The following KCNQ3 variants were observed in gnomAD, a reference collection of about 807,000 sequenced individuals.
The protein encoded by KCNQ3 is potassium voltage-gated channel subfamily Q member 3.
A neutral mutation model predicts 92.5 loss-of-function variants in KCNQ3; 30 were observed. The observed-to-expected ratio is 0.32, with a 90% CI of 0.24 to 0.44. KCNQ3 has a LOEUF of 0.44. Ranked by LOEUF, KCNQ3 falls within the 20% of genes least tolerant of loss-of-function variation. The probability of loss-of-function intolerance (pLI) is 1.00; values close to 1 mark genes in which losing one functional copy is unlikely to be tolerated. For synonymous variants in KCNQ3, 450 were observed against 468.8 expected (o/e 0.96, Z 0.52); for missense variants, 913 against 1,140.3 (o/e 0.80, Z 2.87).
chr8:132,464,409 T>G (rs1822126979), intron 1 of KCNQ3, among the ~76,000 whole-genome samples: 1 of 152,220 alleles, frequency 6.6e-6, no homozygotes, highest in South Asian at 2.1e-4. Flanking sequence ...AAAAAGACTT[T>G]GTATCCAGAG....
At chr8:132,324,206 C>T (rs1267808745) in intron 1 of KCNQ3, among the ~76,000 whole-genome samples, 2 of 152,216 alleles carry the variant, frequency 1.3e-5, no homozygotes, top group African/African-American at 4.8e-5. Flanking sequence ...CCTGTCCCGT[C>T]AGCATGGTCA....
chr8:132,370,595 C>T (rs1819447903), intron 1 of KCNQ3, among the ~76,000 whole-genome samples: 3 of 152,066 alleles, frequency 2.0e-5, no homozygotes, highest in African/African-American at 4.8e-5. Context: ...GAGAGCAAGA[C>T]GTTCAAGCCA....
intron 9 of KCNQ3, among the ~76,000 whole-genome samples, chr8:132,156,478 A>G (rs1825798823): frequency 6.6e-6 from 1 of 152,152 alleles, no homozygotes; most frequent in Non-Finnish European, 1.5e-5. Context: ...GTTAAAGAGA[A>G]GAAATGACCA....
chr8:132,238,817 A>C (rs556987503), intron 1 of KCNQ3, among the ~76,000 whole-genome samples: 1 of 152,164 alleles, frequency 6.6e-6, no homozygotes, highest in Non-Finnish European at 1.5e-5. Context: ...CCCCAGCCCA[A>C]TGCTGTGTAC....
intron 1 of KCNQ3, among the ~76,000 whole-genome samples, chr8:132,256,332 A>G (rs1815586295): frequency 6.6e-6 from 1 of 152,142 alleles, no homozygotes; most frequent in African/African-American, 2.4e-5. Flanking sequence ...AAAAGAATAA[A>G]GAAAAACGAA....
At chr8:132,347,500 T>C (rs1394429890) in intron 1 of KCNQ3, among the ~76,000 whole-genome samples, 1 of 152,196 alleles carries the variant, frequency 6.6e-6, no homozygotes, top group East Asian at 1.9e-4. Flanking sequence ...AAAGGGTATA[T>C]ATAAATACTT....
At chr8:132,250,101 C>T (rs182577015) in intron 1 of KCNQ3, among the ~76,000 whole-genome samples, 194 of 152,310 alleles carry the variant, frequency 1.3e-3, no homozygotes, top group Non-Finnish European at 2.0e-3. Context: ...GAGAAGGGCT[C>T]CCACAGTGCA....
At chr8:132,234,931 G>A (rs1184618243) in intron 1 of KCNQ3, among the ~76,000 whole-genome samples, 1 of 152,186 alleles carries the variant, frequency 6.6e-6, no homozygotes, top group African/African-American at 2.4e-5. Context: ...AGTCCAGAAT[G>A]TAAATCACAT....
intron 1 of KCNQ3, among the ~76,000 whole-genome samples, chr8:132,205,727 G>A (rs937379418): frequency 6.6e-6 from 1 of 152,180 alleles, no homozygotes; most frequent in South Asian, 2.1e-4. Context: ...AGAAACTGGT[G>A]AGAAAGGATG....
chr8:132,151,052 G>T (rs1219236554), intron 9 of KCNQ3, among the ~76,000 whole-genome samples: 1 of 152,194 alleles, frequency 6.6e-6, no homozygotes, highest in Non-Finnish European at 1.5e-5. Context: ...AAATTATGCA[G>T]GTCAGATCCT....
intron 1 of KCNQ3, among the ~76,000 whole-genome samples, chr8:132,334,867 C>T (rs1818322555): frequency 6.6e-6 from 1 of 152,144 alleles, no homozygotes; most frequent in Admixed American, 6.5e-5. Flanking sequence ...TCCTTTCTGG[C>T]TTGGGTCATA....
chr8:132,397,452 G>A (rs1245192892), intron 1 of KCNQ3, among the ~76,000 whole-genome samples: 1 of 152,186 alleles, frequency 6.6e-6, no homozygotes, highest in Non-Finnish European at 1.5e-5. Flanking sequence ...TCTGTGATGA[G>A]GGAATCAGAA....
chr8:132,207,394 C>A (rs973402742), intron 1 of KCNQ3, among the ~76,000 whole-genome samples: 12 of 152,172 alleles, frequency 7.9e-5, no homozygotes, highest in Non-Finnish European at 1.2e-4. Flanking sequence ...GCGAATAAAG[C>A]ATTGTGCCAA....
At chr8:132,448,198 G>A (rs1821730062) in intron 1 of KCNQ3, among the ~76,000 whole-genome samples, 1 of 152,078 alleles carries the variant, frequency 6.6e-6, no homozygotes, top group Non-Finnish European at 1.5e-5. Context: ...AAAGACACAG[G>A]TGGGGAATAA....
At chr8:132,160,868 G>A (rs768392894) in intron 9 of KCNQ3, among the ~76,000 whole-genome samples, 18 of 152,082 alleles carry the variant, frequency 1.2e-4, no homozygotes, top group Admixed American at 5.9e-4. Context: ...GGGGCCGAGC[G>A]TTATAAAGTA....
In KCNQ3 at chr8:132,129,164, A is replaced by T; in HGVS notation, c.*98T>A. On this transcript the variant is annotated 3_prime_UTR_variant, in exon 15 of 15. Transcript: ENST00000388996. The surrounding 1 kb of genome is among the most constrained non-coding windows in gnomAD (Gnocchi z 5.9). ...CCACGCACACGCATGCATTTGATGC[A>T]GCCATTGGTGTCCCCGCTGGTAAGC... is the stretch of plus-strand genomic sequence containing the variant. 6.9e-7 allele frequency: 1 copy of T among 1,439,154 alleles called. No individual in the cohort carries two copies. Among genetic ancestry groups the T allele is most frequent in the Non-Finnish European group, 9.5e-7 (1 of 1,048,784 alleles). 89.1% of individuals were successfully genotyped at this position (1,439,154 alleles called of 1,614,324 possible).
chr8:132,274,489 T>C (rs1455749486), intron 1 of KCNQ3, among the ~76,000 whole-genome samples: 1 of 152,232 alleles, frequency 6.6e-6, no homozygotes, highest in Admixed American at 6.5e-5. Context: ...TTTCTTTATA[T>C]GCTAAATGAG....
intron 1 of KCNQ3, among the ~76,000 whole-genome samples, chr8:132,221,572 G>A (rs112768679): frequency 0.066 from 10,094 of 152,220 alleles, 435 homozygotes; most frequent in African/African-American, 0.11. Context: ...GCCAGTGATG[G>A]TGAGCATTTT....
At chr8:132,324,515 A>G (rs1411583226) in intron 1 of KCNQ3, among the ~76,000 whole-genome samples, 1 of 152,090 alleles carries the variant, frequency 6.6e-6, no homozygotes, top group Non-Finnish European at 1.5e-5. Flanking sequence ...CCCTTTCTTT[A>G]CCCCAGTAAC....
Sources: allele counts gnomAD v4.1 joint callset (sites outside exome capture counted in the v4.1 genomes callset), GRCh38; gene constraint gnomAD v4.1.1; non-coding constraint Gnocchi (gnomAD v3.1); transcripts MANE v1.5; gene names NCBI Gene and HGNC (gene_info 2026-07-23, HGNC 2026-07-21).